Variants in TSPAN7 observed in about 807,000 individuals in gnomAD.
The protein encoded by TSPAN7 is tetraspanin 7.
A neutral mutation model predicts 17.6 loss-of-function variants in TSPAN7; 1 was observed. The observed-to-expected ratio is 0.06, with a 90% CI of 0.02 to 0.27. The LOEUF (loss-of-function observed/expected upper bound fraction) is 0.27. Ranked by LOEUF, TSPAN7 falls within the 10% of genes least tolerant of loss-of-function variation. TSPAN7 has a pLI of 1.00. For missense variants in TSPAN7, 112 were observed against 201.7 expected, an observed-to-expected ratio of 0.56 and a Z score of 2.69; for synonymous variants, 78 against 79.0, an observed-to-expected ratio of 0.99 and a Z score of 0.07.
intron 1 of TSPAN7, among the ~76,000 whole-genome samples, chrX:38,577,071 C>G (rs1305782541): frequency 8.9e-6 from 1 of 111,737 alleles, no homozygotes; most frequent in Non-Finnish European, 1.9e-5. Flanking sequence ...GGGACAGCTA[C>G]TTCATGATGT....
chrX:38,583,721 A>G (rs914251345), intron 1 of TSPAN7, among the ~76,000 whole-genome samples: 1 of 110,966 alleles, frequency 9.0e-6, no homozygotes, highest in African/African-American at 3.3e-5. Flanking sequence ...TCCATAATCT[A>G]CAATTCAGAT....
intron 2 of TSPAN7, among the ~76,000 whole-genome samples, chrX:38,670,768 C>A (rs1302607764): frequency 1.8e-5 from 2 of 112,712 alleles, no homozygotes; most frequent in Non-Finnish European, 3.7e-5. Flanking sequence ...GCCGTGTTCA[C>A]AAACATGATG....
In TSPAN7 at chrX:38,642,968, A is replaced by G. The variant is rs112392703; in HGVS notation, c.82-23153A>G. On this transcript the variant is annotated intron_variant, in intron 1 of 7. Transcript: ENST00000378482. ...AGTGATGATGATGATGTCAGTGACC[A>G]GCAGCCCAGAAAGGGGAGAGAACCT... 5.4e-3 allele frequency among the ~76,000 whole-genome samples: 602 copies of G among 111,595 alleles called. 3 individuals are homozygous for G. Among genetic ancestry groups the G allele is most frequent in the African/African-American group, 0.019 (576 of 30,662 alleles).
intron 1 of TSPAN7, among the ~76,000 whole-genome samples, chrX:38,589,827 C>T (rs2069280786): frequency 8.9e-6 from 1 of 111,860 alleles, no homozygotes; most frequent in Admixed American, 9.5e-5. Context: ...TCATTCCCCC[C>T]TTAATTTATG....
At chrX:38,604,345 G>A (rs1288982412) in intron 1 of TSPAN7, among the ~76,000 whole-genome samples, 3 of 108,261 alleles carry the variant, frequency 2.8e-5, no homozygotes, top group African/African-American at 1.0e-4. Flanking sequence ...GTGTGCATGT[G>A]TCTTTATAGC....
intron 1 of TSPAN7, among the ~76,000 whole-genome samples, chrX:38,606,550 A>G (rs2069384697): frequency 9.0e-6 from 1 of 111,328 alleles, no homozygotes; most frequent in African/African-American, 3.3e-5. Flanking sequence ...TAGCTGATGT[A>G]GTAAGTGTGA....
chrX:38,624,431 T>C (rs2069508966), intron 1 of TSPAN7, among the ~76,000 whole-genome samples: 1 of 112,387 alleles, frequency 8.9e-6, no homozygotes, highest in Non-Finnish European at 1.9e-5. Context: ...TATTTATTTT[T>C]AGGTTGTTAA....
chrX:38,598,518 G>GTAGA (rs1363724869), intron 1 of TSPAN7, among the ~76,000 whole-genome samples: 1 of 110,821 alleles, frequency 9.0e-6, no homozygotes, highest in African/African-American at 3.3e-5. Flanking sequence ...TTGTATTATT[G>GTAGA]TAGATTTTTA....
chrX:38,598,571 G>A (rs1484576425), intron 1 of TSPAN7, among the ~76,000 whole-genome samples: 1 of 111,034 alleles, frequency 9.0e-6, no homozygotes, highest in Admixed American at 9.6e-5. Context: ...AGAACTTTGA[G>A]GAAAAGGAAT....
intron 1 of TSPAN7, among the ~76,000 whole-genome samples, chrX:38,643,330 AG>A (rs1602110147): frequency 9.1e-6 from 1 of 110,294 alleles, no homozygotes; most frequent in African/African-American, 3.3e-5. Context: ...AAAAGCCACA[AG>A]GGGGGGAATG....
chrX:38,680,311 T>A (rs4827109), intron 5 of TSPAN7, among the ~76,000 whole-genome samples: 6 of 107,418 alleles, frequency 5.6e-5, no homozygotes, highest in Non-Finnish European at 9.7e-5. Context: ...ACATGGCTGG[T>A]TTTTTTTTTT....
chrX:38,667,093 C>T (rs1218255145), intron 2 of TSPAN7, among the ~76,000 whole-genome samples: 1 of 111,643 alleles, frequency 9.0e-6, no homozygotes, highest in Non-Finnish European at 1.9e-5. Flanking sequence ...CCTGTACTCC[C>T]TGTCTCAGTG....
At chrX:38,592,940 A>G (rs1369478915) in intron 1 of TSPAN7, among the ~76,000 whole-genome samples, 1 of 111,314 alleles carries the variant, frequency 9.0e-6, no homozygotes, top group Non-Finnish European at 1.9e-5. Context: ...AACTTATTTT[A>G]ACATATTTTA....
Position 38,678,168 on chromosome X carries a change from T to C in TSPAN7, c.597+2308T>C, listed in dbSNP as rs183905182. Among the ~76,000 whole-genome samples, 555 of 112,357 alleles carry C rather than the reference T, an allele frequency of 4.9e-3. 8 individuals carry two copies. Among genetic ancestry groups the C allele is most frequent in the Non-Finnish European group, 7.7e-3 (409 of 53,236 alleles). On this transcript the variant is annotated intron_variant, in intron 5 of 7. Coordinates refer to ENST00000378482, the MANE Select transcript of TSPAN7 (RefSeq NM_004615.4). ...TGATTTTACTAGCAGGATGATGAAA[T>C]GTCTGCACGTTCAGTTGGCTAATAG...
At chrX:38,611,665 G>A (rs1252887608) in intron 1 of TSPAN7, among the ~76,000 whole-genome samples, 5 of 111,832 alleles carry the variant, frequency 4.5e-5, no homozygotes, top group African/African-American at 1.3e-4. Flanking sequence ...CTGCTGTTAT[G>A]GGGAACAACA....
intron 1 of TSPAN7, among the ~76,000 whole-genome samples, chrX:38,640,946 T>A (rs1361802257): frequency 8.9e-6 from 1 of 112,477 alleles, no homozygotes; most frequent in Admixed American, 9.4e-5. Context: ...ATATTTCATT[T>A]AATACCCACT....
intron 1 of TSPAN7, among the ~76,000 whole-genome samples, chrX:38,628,628 G>A (rs368426568): frequency 4.1e-4 from 46 of 111,811 alleles, no homozygotes; most frequent in African/African-American, 1.3e-3. Context: ...GAATGTCAAA[G>A]CTCCTTATGT....
chrX:38,688,677 T>C lies in TSPAN7; in HGVS notation c.*746T>C, dbSNP rs903170030. On this transcript the variant is annotated 3_prime_UTR_variant, in exon 8 of 8. Coordinates refer to ENST00000378482, the MANE Select transcript of TSPAN7 (RefSeq NM_004615.4). ...CTTGTGAAGGCCATGATATTTTGTT[T>C]TTCCCCAATTAATTGCTATTGTGTT... The C allele has an allele frequency of 8.0e-5, 9 of 112,522 alleles. No homozygotes were observed. The highest frequency in any genetic ancestry group is 7.6e-4 in the Admixed American group (8 of 10,589). The allele number at this position is 112,522 out of a possible 1,213,427, so 9.3% of individuals were successfully genotyped here.
chrX:38,664,260 A>G (rs996630894), intron 1 of TSPAN7, among the ~76,000 whole-genome samples: 5 of 111,879 alleles, frequency 4.5e-5, no homozygotes, highest in African/African-American at 9.7e-5. Flanking sequence ...TTTTTTCTCA[A>G]TGGAATAGTA....
Sources: allele counts gnomAD v4.1 joint callset (sites outside exome capture counted in the v4.1 genomes callset), GRCh38; gene constraint gnomAD v4.1.1; transcripts MANE v1.5; gene names NCBI Gene and HGNC (gene_info 2026-07-23, HGNC 2026-07-21).